Variants in CREB1 observed in about 807,000 individuals in gnomAD.
The protein encoded by CREB1 is cyclic AMP-responsive element-binding protein 1.
A neutral mutation model predicts 42.0 loss-of-function variants in CREB1; 2 were observed. That is an observed-to-expected ratio of 0.05 (90% CI 0.02 to 0.15). CREB1 has a LOEUF of 0.15. Among genes scored for constraint, CREB1 ranks in the 10% least tolerant of loss-of-function variants. CREB1 has a pLI of 1.00. For synonymous variants in CREB1, 123 were observed against 139.9 expected (o/e 0.88, Z 0.85); for missense variants, 199 against 388.9 (o/e 0.51, Z 4.11).
intron 1 of CREB1, among the ~76,000 whole-genome samples, chr2:207,552,195 A>G (rs2081536962): frequency 6.6e-6 from 1 of 152,100 alleles, no homozygotes; most frequent in Non-Finnish European, 1.5e-5. Flanking sequence ...CGAGTTGTGG[A>G]GGGAAGAGGA....
intron 1 of CREB1, chr2:207,534,514 A>G (rs1385523450): frequency 6.6e-6 from 1 of 152,220 alleles, no homozygotes; most frequent in East Asian, 1.9e-4. Context: ...TACTTTTTAA[A>G]TTATTTATTA....
chr2:207,597,794 G>A lies in CREB1; in HGVS notation c.*736G>A, dbSNP rs905845493. ...CATTAAAAGAAGTAACCAACTGAAC[G>A]ACAAAGCATGGTATTTGAATTTTAA... is the stretch of plus-strand genomic sequence containing the variant. On this transcript the variant is annotated 3_prime_UTR_variant, in exon 8 of 8. Coordinates refer to ENST00000353267, the MANE Select transcript of CREB1 (RefSeq NM_004379.5). 2.0e-5 allele frequency: 4 copies of A among 197,764 alleles called. No individual in the cohort carries two copies. Among genetic ancestry groups the A allele is most frequent in the African/African-American group, 6.9e-5 (3 of 43,332 alleles). 12.3% of individuals were successfully genotyped at this position (197,764 alleles called of 1,614,324 possible).
chr2:207,545,890 C>T (rs572289658), intron 1 of CREB1, among the ~76,000 whole-genome samples: 3 of 152,154 alleles, frequency 2.0e-5, no homozygotes, highest in Admixed American at 6.5e-5. Flanking sequence ...TGCGCCACCA[C>T]GCCTGGCTAA....
At chr2:207,560,552 A>G (rs1345730239) in intron 3 of CREB1, among the ~76,000 whole-genome samples, 180 bp downstream of exon 3, 2 of 152,244 alleles carry the variant, frequency 1.3e-5, no homozygotes, top group Non-Finnish European at 2.9e-5. Flanking sequence ...CAGAAGAACA[A>G]ACATAAAAGA....
rs1015418246 is a variant in CREB1 at position 207,580,866 on chromosome 2, C to T, written c.839+3211C>T. 8 of 218,476 alleles carry T rather than the reference C, an allele frequency of 3.7e-5. No homozygotes were observed. In the South Asian group the frequency reaches 5.5e-4, roughly 15 times the overall value. The allele number at this position is 218,476 out of a possible 1,614,324, so 13.5% of individuals were successfully genotyped here. On this transcript the variant is annotated intron_variant, in intron 7 of 7. Transcript: ENST00000353267. Reference sequence around the variant, plus strand: ...GGATCCTGGGCTAGATAGAGCAGCACGTCTTTGAGAAAAGGGCAATGCTTT... The same window carrying T: ...GGATCCTGGGCTAGATAGAGCAGCATGTCTTTGAGAAAAGGGCAATGCTTT...
Position 207,575,390 on chromosome 2 carries a change from A to T in CREB1, c.624A>T (p.Leu208=). The T allele has an allele frequency of 1.2e-6, 2 of 1,614,100 alleles. No individual in the cohort carries two copies. Among genetic ancestry groups the T allele is most frequent in the South Asian group, 2.2e-5 (2 of 91,078 alleles). ...CCACTCAGCCGGGTACTACCATTCT[A>T]CAGTATGCACAGACCACTGATGGAC... is the stretch of plus-strand genomic sequence containing the variant. ...AAATQPGTTI[L]QYAQTTDGQQ... Residue 208 remains leucine (L), a synonymous_variant, in exon 6 of 8, where the codon CTA becomes CTT. Coordinates refer to ENST00000353267, the MANE Select transcript of CREB1 (RefSeq NM_004379.5).
chr2:207,565,898 CAG>C (rs956800729), intron 3 of CREB1, among the ~76,000 whole-genome samples: 3 of 152,314 alleles, frequency 2.0e-5, no homozygotes, highest in Non-Finnish European at 2.9e-5. Flanking sequence ...AAAGTTTGTG[CAG>C]AGACTCTTGT....
At chr2:207,536,312 T>C (rs2080868180) in intron 1 of CREB1, among the ~76,000 whole-genome samples, 1 of 152,160 alleles carries the variant, frequency 6.6e-6, no homozygotes, top group African/African-American at 2.4e-5. Flanking sequence ...CCCAGCACTT[T>C]GGGAGGCTGA....
rs1408986154 is a variant in CREB1, at chr2:207,598,324, T to C, written c.*1266T>C. On this transcript the variant is annotated 3_prime_UTR_variant, in exon 8 of 8. Coordinates refer to ENST00000353267, the MANE Select transcript of CREB1 (RefSeq NM_004379.5). ...TCTTGTAAAAAGAGTAGTTATTAGT[T>C]CTGCTTTAGCTTTCCAATATGCTGT... The C allele has an allele frequency of 3.3e-5, 6 of 184,174 alleles. 1 individual carries two copies. The highest frequency in any genetic ancestry group is 1.2e-4 in the African/African-American group (5 of 42,596). The allele number at this position is 184,174 out of a possible 1,614,324, so 11.4% of individuals were successfully genotyped here.
intron 7 of CREB1, chr2:207,582,143 A>T (rs1435100618): frequency 2.8e-6 from 2 of 702,938 alleles, no homozygotes; most frequent in Admixed American, 4.0e-5. Flanking sequence ...CAAGGGGAGG[A>T]GAATTAAATT....
rs1197565294 is a variant in CREB1 at position 207,554,184 on chromosome 2, T to C, written c.-8-1444T>C. ...GATCTTTTTCCTTGTCATCTGTGTT[T>C]TGTGGATTTTGGTATTTCCAAACTA... On this transcript the variant is annotated intron_variant, in intron 1 of 7. Coordinates refer to ENST00000353267, the MANE Select transcript of CREB1 (RefSeq NM_004379.5). 2.0e-5 allele frequency among the ~76,000 whole-genome samples: 3 copies of C among 152,218 alleles called. No individual in the cohort carries two copies. The East Asian group carries it at 5.8e-4, about 29-fold the overall frequency.
In CREB1 at chr2:207,605,792, A is replaced by G. The variant is rs1401905766; in HGVS notation, c.*8734A>G. 6.6e-6 allele frequency among the ~76,000 whole-genome samples: 1 copy of G among 152,234 alleles called. No homozygotes were observed. Among genetic ancestry groups the G allele is most frequent in the Admixed American group, 6.5e-5 (1 of 15,280 alleles). Reference sequence around the variant, plus strand: ...TACAGAGGTTGGTAACTAGGTCTACACAAGTTGTATCTCCAGGATACTGAG... The same window carrying G: ...TACAGAGGTTGGTAACTAGGTCTACGCAAGTTGTATCTCCAGGATACTGAG... On this transcript the variant is annotated 3_prime_UTR_variant, in exon 8 of 8. Coordinates refer to ENST00000353267, the MANE Select transcript of CREB1 (RefSeq NM_004379.5).
At chr2:207,572,321 G>A (rs944966777) in intron 5 of CREB1, among the ~76,000 whole-genome samples, 4 of 151,838 alleles carry the variant, frequency 2.6e-5, no homozygotes, top group South Asian at 2.1e-4. Context: ...TGTACACATG[G>A]CTTTGGCTTT....
At chr2:207,561,074 T>C in intron 3 of CREB1, 3 of 1,565,722 alleles carry the variant, frequency 1.9e-6, no homozygotes, top group Non-Finnish European at 1.8e-6. Context: ...TTCATTCAAG[T>C]AGGCCATAAC....
intron 7 of CREB1, chr2:207,580,685 T>A (rs1305085992): frequency 9.0e-6 from 2 of 221,658 alleles, no homozygotes; most frequent in East Asian, 1.3e-4. Flanking sequence ...TGGTAAACAT[T>A]CTAAAAGAAA....
At chr2:207,590,292 T>C (rs924427125) in intron 7 of CREB1, among the ~76,000 whole-genome samples, 1 of 151,942 alleles carries the variant, frequency 6.6e-6, no homozygotes, top group African/African-American at 2.4e-5. Flanking sequence ...TCATTCCTAA[T>C]ATTGTTAATT....
intron 1 of CREB1, among the ~76,000 whole-genome samples, chr2:207,548,041 T>G (rs2081363005): frequency 6.6e-6 from 1 of 152,094 alleles, no homozygotes; most frequent in Admixed American, 6.5e-5. Context: ...TACAGCATTC[T>G]TGTGCTTCAG....
chr2:207,560,104 A>T, intron 2 of CREB1, 122 bp from the exon 3 acceptor site: 1 of 767,004 alleles, frequency 1.3e-6, no homozygotes, highest in East Asian at 2.6e-5. Context: ...CTTTCATATC[A>T]GTGAAATACA....
chr2:207,584,599 G>A (rs1461185075), intron 7 of CREB1, among the ~76,000 whole-genome samples: 8 of 151,884 alleles, frequency 5.3e-5, no homozygotes, highest in Admixed American at 3.9e-4. Flanking sequence ...ACAGGGTTTC[G>A]CCATGTTGGC....
Sources: gnomAD v4.1 joint callset for allele counts (sites outside exome capture counted in the v4.1 genomes callset) on GRCh38, gnomAD v4.1.1 for gene constraint, MANE v1.5 for transcripts, NCBI Gene and HGNC (gene_info 2026-07-23, HGNC 2026-07-21) for gene names.